SNX16: variants seen among roughly 807,000 people sequenced by gnomAD.
SNX16 encodes the protein sorting nexin 16.
SNX16 carries 35 observed loss-of-function variants against 36.7 expected under a neutral mutation model. The observed-to-expected ratio is 0.95, with a 90% CI of 0.73 to 1.27. SNX16 has a LOEUF of 1.27. Among genes scored for constraint, SNX16 ranks in the 50% most tolerant of loss-of-function variants. The probability of loss-of-function intolerance (pLI) is 0.00; values close to 1 mark genes in which losing one functional copy is unlikely to be tolerated. For missense variants in SNX16, 367 were observed against 393.6 expected (o/e 0.93, Z 0.57); for synonymous variants, 134 against 132.0 (o/e 1.02, Z -0.10).
intron 5 of SNX16, among the ~76,000 whole-genome samples, chr8:81,814,112 A>G (rs1276000232): frequency 2.0e-5 from 3 of 152,074 alleles, no homozygotes. Context: ...CACACAAAAC[A>G]TTATATGAAA....
In SNX16 at chr8:81,802,556, A is replaced by C. The variant is rs1167567314; in HGVS notation, c.819-57T>G. On this transcript the variant is annotated intron_variant, in intron 6 of 7. Transcript: ENST00000345957. ...CTATGAACAAAACAGGCATATGTTT[A>C]ATGTTGTGAATACAGGTAGCTATAG... 61 of 1,467,688 alleles carry C rather than the reference A, an allele frequency of 4.2e-5. 2 individuals carry two copies. The highest frequency in any genetic ancestry group is 5.3e-5 in the Non-Finnish European group (57 of 1,071,254). The allele number at this position is 1,467,688 out of a possible 1,614,324, so 90.9% of individuals were successfully genotyped here. A position where few individuals can be genotyped will look rare whatever the true frequency, so the allele number is the denominator to read the frequency against.
Position 81,800,897 on chromosome 8 carries a change from T to C in SNX16, c.*600A>G, listed in dbSNP as rs1362721923. ...AGGCTATCTTATCACTTTAGCTATATGATTACAGCTCTTTCAAGTAGTTTT... is the reference window on the plus strand; with the variant it reads ...AGGCTATCTTATCACTTTAGCTATACGATTACAGCTCTTTCAAGTAGTTTT... On this transcript the variant is annotated 3_prime_UTR_variant, in exon 8 of 8. Transcript: ENST00000345957. The C allele has an allele frequency of 1.3e-5, 2 of 152,252 alleles. No homozygotes were observed. The highest frequency in any genetic ancestry group is 3.0e-5 in the Non-Finnish European group (2 of 67,692). 9.4% of individuals were successfully genotyped at this position (152,252 alleles called of 1,614,324 possible). A position where few individuals can be genotyped will look rare whatever the true frequency, so the allele number is the denominator to read the frequency against.
intron 5 of SNX16, among the ~76,000 whole-genome samples, chr8:81,809,727 T>C (rs373904443): frequency 2.6e-5 from 4 of 152,314 alleles, no homozygotes. Context: ...ATATTGTTGG[T>C]AAAAGTACAA....
intron 2 of SNX16, among the ~76,000 whole-genome samples, chr8:81,839,253 T>G (rs1001437439): frequency 6.6e-6 from 1 of 152,114 alleles, no homozygotes; most frequent in Non-Finnish European, 1.5e-5. Flanking sequence ...GCAAAAAGAG[T>G]ATATAATTCC....
intron 2 of SNX16, among the ~76,000 whole-genome samples, chr8:81,835,003 C>T (rs1811431442): frequency 6.6e-6 from 1 of 152,234 alleles, no homozygotes; most frequent in South Asian, 2.1e-4. Context: ...CCATGAGGGC[C>T]CTGCCCCTAC....
intron 5 of SNX16, among the ~76,000 whole-genome samples, chr8:81,807,437 G>A (rs1810007387): frequency 6.9e-6 from 1 of 144,426 alleles, no homozygotes; most frequent in African/African-American, 2.6e-5. Context: ...GAGAATTGCT[G>A]GAATCCCGGA....
chr8:81,809,892 T>C (rs1330716926), intron 5 of SNX16, among the ~76,000 whole-genome samples: 2 of 152,100 alleles, frequency 1.3e-5, no homozygotes, highest in African/African-American at 4.8e-5. Context: ...GGAGGTACCT[T>C]AGGAAAAATG....
intron 2 of SNX16, among the ~76,000 whole-genome samples, chr8:81,837,164 T>C (rs1811527521): frequency 1.3e-5 from 2 of 152,248 alleles, no homozygotes; most frequent in Admixed American, 1.3e-4. Context: ...CCATGTGACA[T>C]ATCAGGCGTC....
chr8:81,841,471 A>C (rs2130786662), intron 1 of SNX16, among the ~76,000 whole-genome samples: 1 of 152,056 alleles, frequency 6.6e-6, no homozygotes, highest in East Asian at 1.9e-4. Context: ...CCCCAAAAAC[A>C]AGTAAGTCTG....
chr8:81,827,497 A>T (rs1811071381), intron 3 of SNX16, among the ~76,000 whole-genome samples: 1 of 152,200 alleles, frequency 6.6e-6, no homozygotes, highest in South Asian at 2.1e-4. Flanking sequence ...GAAGTACAGA[A>T]TTATAGATTT....
At chr8:81,829,344 TAAC>T (rs1198654870) in intron 3 of SNX16, 83 bp downstream of exon 3, 2 of 509,360 alleles carry the variant, frequency 3.9e-6, no homozygotes, top group African/African-American at 4.1e-5. Flanking sequence ...TTTGACTCAT[TAAC>T]AAAGAAAAAA....
intron 2 of SNX16, among the ~76,000 whole-genome samples, chr8:81,833,298 T>C (rs921261988): frequency 6.6e-6 from 1 of 152,084 alleles, no homozygotes; most frequent in Non-Finnish European, 1.5e-5. Context: ...GGACTATAGA[T>C]TATCCTTACC....
At chr8:81,837,778 T>C (rs1207844351) in intron 2 of SNX16, among the ~76,000 whole-genome samples, 2 of 152,234 alleles carry the variant, frequency 1.3e-5, no homozygotes, top group Admixed American at 1.3e-4. Flanking sequence ...TAAATGCCTA[T>C]TTCTTAATTC....
intron 3 of SNX16, among the ~76,000 whole-genome samples, chr8:81,828,613 T>TA (rs937860061): frequency 5.1e-4 from 77 of 152,342 alleles, no homozygotes; most frequent in African/African-American, 1.7e-3. Context: ...TTTATTATGT[T>TA]ACATAGAAAA....
Position 81,803,035 on chromosome 8 carries a change from G to T in SNX16, c.818+57C>A. On this transcript the variant is annotated intron_variant, in intron 6 of 7. Coordinates refer to ENST00000345957, the MANE Select transcript of SNX16 (RefSeq NM_152836.3). ...CATATTAAAATATAAAGGGCAGTTA[G>T]CCCAGAGTATTAAGGGTTGAATTAG... The T allele has an allele frequency of 3.5e-6, 5 of 1,415,832 alleles. 1 individual carries two copies. The highest frequency in any genetic ancestry group is 4.7e-6 in the Non-Finnish European group (5 of 1,072,580). The allele number at this position is 1,415,832 out of a possible 1,614,324, so 87.7% of individuals were successfully genotyped here.
intron 2 of SNX16, among the ~76,000 whole-genome samples, chr8:81,839,189 T>C (rs1176629467): frequency 1.3e-5 from 2 of 152,150 alleles, no homozygotes; most frequent in African/African-American, 2.4e-5. Flanking sequence ...TGTTCACCAA[T>C]ATCTTTTAAA....
intron 1 of SNX16, chr8:81,841,867 C>T (rs866524204): frequency 2.6e-5 from 4 of 152,178 alleles, no homozygotes; most frequent in African/African-American, 7.2e-5. Flanking sequence ...ACGGGTCTTC[C>T]GCACTGCAGG....
At chr8:81,808,253 AGACG>A in intron 5 of SNX16, 1 of 1,196,574 alleles carries the variant, frequency 8.4e-7, no homozygotes, top group Non-Finnish European at 1.2e-6. Context: ...TCCATGGATA[AGACG>A]GTCATTCAGA....
rs574345438 is a variant in SNX16 at position 81,829,417 on chromosome 8, T to C, written c.462+13A>G. 23 of 1,209,404 alleles carry C rather than the reference T, an allele frequency of 1.9e-5. No individual in the cohort carries two copies. The African/African-American group carries it at 3.2e-4, about 17-fold the overall frequency. The allele number at this position is 1,209,404 out of a possible 1,614,324, so 74.9% of individuals were successfully genotyped here. On this transcript the variant is annotated intron_variant, in intron 3 of 7. Transcript: ENST00000345957. ...AAACTGAAATGTTAGTTTGGATTTA[T>C]TATAGTACTTACTTTGTCATTAAGC...
Sources: gnomAD v4.1 joint callset for allele counts (sites outside exome capture counted in the v4.1 genomes callset) on GRCh38, gnomAD v4.1.1 for gene constraint, MANE v1.5 for transcripts, NCBI Gene and HGNC (gene_info 2026-07-23, HGNC 2026-07-21) for gene names.